The following NAV1 variants were observed in gnomAD, a reference collection of about 807,000 sequenced individuals.
NAV1 encodes neuron navigator 1.
In NAV1, 18 loss-of-function variants were observed where a neutral mutation model predicts 175.2. The ratio of observed to expected loss-of-function variants is 0.10; its 90% CI spans 0.07 to 0.15. The LOEUF (loss-of-function observed/expected upper bound fraction) is 0.15, where lower values mean the gene tolerates loss of function less well. Among genes scored for constraint, NAV1 ranks in the 10% least tolerant of loss-of-function variants. The probability of loss-of-function intolerance (pLI) is 1.00; values close to 1 mark genes in which losing one functional copy is unlikely to be tolerated. For synonymous variants in NAV1, 897 were observed against 978.7 expected, an observed-to-expected ratio of 0.92 and a Z score of 1.56; for missense variants, 1,731 against 2,436.6, an observed-to-expected ratio of 0.71 and a Z score of 6.10.
intron 3 of NAV1, among the ~76,000 whole-genome samples, chr1:201,721,151 G>A (rs999033123): frequency 1.3e-5 from 2 of 151,886 alleles, no homozygotes; most frequent in African/African-American, 2.4e-5. Flanking sequence ...GCCTTGGGAA[G>A]CCTGGAGTTT....
intron 1 of NAV1, among the ~76,000 whole-genome samples, chr1:201,553,621 A>G (rs1325229437): frequency 1.3e-5 from 2 of 152,250 alleles, no homozygotes; most frequent in East Asian, 1.9e-4. Flanking sequence ...GGATCCAGAT[A>G]TGGAACATTT....
chr1:201,633,238 GTAA>G (rs1178669409), intron 2 of NAV1, among the ~76,000 whole-genome samples: 2 of 152,162 alleles, frequency 1.3e-5, no homozygotes, highest in Non-Finnish European at 2.9e-5. Context: ...GAACTAAATG[GTAA>G]TAATGACTAT....
At position 201,808,487 on chromosome 1, in the gene NAV1, G is replaced by C; in HGVS notation, c.3915G>C (p.Lys1305Asn). 1 of 1,614,268 alleles carries C rather than the reference G, an allele frequency of 6.2e-7. No individual in the cohort carries two copies. The highest frequency in any genetic ancestry group is 1.1e-5 in the South Asian group (1 of 91,088). Reference sequence around the variant, plus strand: ...ATGAGGAGGAGGAGCCAGAGAAGAAGGAGGTATCGGAGCTGCGCTCTGAGC... The same window carrying C: ...ATGAGGAGGAGGAGCCAGAGAAGAACGAGGTATCGGAGCTGCGCTCTGAGC... Residue 1305 changes from lysine to asparagine, a missense_variant, in exon 19 of 30, where the codon AAG (lysine) becomes AAC (asparagine). Transcript: ENST00000367296. This position sits in a 1 kb window ranked among gnomAD's most constrained non-coding sequence, Gnocchi z 5.5.
At chr1:201,728,450 C>T (rs777731285) in intron 3 of NAV1, among the ~76,000 whole-genome samples, 1 of 151,920 alleles carries the variant, frequency 6.6e-6, no homozygotes, top group Non-Finnish European at 1.5e-5. Flanking sequence ...AAAAATTAGC[C>T]TGGTGTCGTG....
intron 1 of NAV1, among the ~76,000 whole-genome samples, chr1:201,584,177 A>C (rs570446175): frequency 7.2e-5 from 11 of 152,256 alleles, no homozygotes; most frequent in Non-Finnish European, 1.5e-4. Context: ...ATGTGAAAGA[A>C]GTGGTCCAAG....
intron 3 of NAV1, among the ~76,000 whole-genome samples, chr1:201,743,547 T>C (rs1385437262): frequency 1.3e-5 from 2 of 152,152 alleles, no homozygotes; most frequent in African/African-American, 4.8e-5. Flanking sequence ...AATGAGAAAA[T>C]GTGAAGAGCA....
chr1:201,552,046 G>A (rs1665869972), intron 1 of NAV1, among the ~76,000 whole-genome samples: 2 of 152,210 alleles, frequency 1.3e-5, no homozygotes, highest in African/African-American at 4.8e-5. Flanking sequence ...CCGTAGGGAG[G>A]CCTAGAAAGT....
rs551320398 is a variant in NAV1, at chr1:201,594,166, G to A, written c.-33+5517G>A. ...GGAAGGGGACCCGAGCGGGTTGCCC[G>A]GGAGTGGTACTTCTTTGCCCATTGG... On this transcript the variant is annotated intron_variant, in intron 2 of 33. Coordinates refer to the NAV1 transcript ENST00000685211. Among the ~76,000 whole-genome samples the A allele has an allele frequency of 1.1e-3, 160 of 151,906 alleles. 1 individual carries two copies. Among genetic ancestry groups the A allele is most frequent in the Admixed American group, 3.1e-3 (47 of 15,258 alleles).
intron 1 of NAV1, among the ~76,000 whole-genome samples, chr1:201,691,090 G>T (rs1199080404): frequency 2.0e-5 from 3 of 152,308 alleles, no homozygotes; most frequent in South Asian, 4.1e-4. Context: ...AATGGAGTGG[G>T]TCTTAATGGC....
chr1:201,608,476 G>A (rs1026032257), intron 2 of NAV1, among the ~76,000 whole-genome samples: 10 of 152,184 alleles, frequency 6.6e-5, no homozygotes, highest in African/African-American at 1.2e-4. Context: ...AGGCGACCCC[G>A]TTCAGAGATG....
At chr1:201,802,471 A>AG (rs1167025409) in intron 15 of NAV1, among the ~76,000 whole-genome samples, 32 of 130,954 alleles carry the variant, frequency 2.4e-4, no homozygotes, top group African/African-American at 7.7e-4. Flanking sequence ...AAAAAAAAAA[A>AG]AAAAAGAAAG....
At chr1:201,648,583 G>A (rs146874869) in exon 1 of NAV1, 1 of 739,670 alleles carries the variant, frequency 1.4e-6, no homozygotes, top group Non-Finnish European at 1.8e-6. Context: ...CTCCTCCCCC[G>A]CCTCCTCCTC....
chr1:201,712,677 T>C, intron 1 of NAV1, 140 bp from the exon 6 acceptor site: 1 of 667,640 alleles, frequency 1.5e-6, no homozygotes, highest in Non-Finnish European at 2.8e-6. Flanking sequence ...TGGTTGTCTT[T>C]GGGAAAGGGA....
At chr1:201,738,148 C>T (rs138160465) in intron 3 of NAV1, among the ~76,000 whole-genome samples, 117 of 152,006 alleles carry the variant, frequency 7.7e-4, no homozygotes, top group African/African-American at 2.8e-3. Context: ...TGCTTGGGAG[C>T]TGGTGCATCT....
chr1:201,804,011 A>G (rs1678113164), intron 16 of NAV1: 1 of 513,214 alleles, frequency 1.9e-6, no homozygotes, highest in African/African-American at 1.9e-5. Flanking sequence ...TATACTCAGA[A>G]GGAAACATCT....
At chr1:201,677,074 A>G (rs1376029720) in intron 1 of NAV1, among the ~76,000 whole-genome samples, 2 of 151,998 alleles carry the variant, frequency 1.3e-5, no homozygotes, top group Non-Finnish European at 2.9e-5. Context: ...CAACATGGTG[A>G]AACCCTGTCT....
intron 2 of NAV1, among the ~76,000 whole-genome samples, chr1:201,638,950 A>G (rs1414451152): frequency 1.3e-5 from 2 of 152,210 alleles, no homozygotes; most frequent in South Asian, 2.1e-4. Flanking sequence ...TCCGTGGGAT[A>G]TAAGTAGGCA....
At chr1:201,552,952 C>T (rs779084070) in intron 1 of NAV1, among the ~76,000 whole-genome samples, 1 of 152,188 alleles carries the variant, frequency 6.6e-6, no homozygotes, top group East Asian at 1.9e-4. Context: ...ATATATGGTC[C>T]CTCAGGCCCC....
chr1:201,791,089 T>C (rs764011957), intron 13 of NAV1: 1 of 309,038 alleles, frequency 3.2e-6, no homozygotes, highest in Non-Finnish European at 6.1e-6. Flanking sequence ...AACCTTGCCA[T>C]TGGCCATGGA....
Sources: gnomAD v4.1 joint callset for allele counts (sites outside exome capture counted in the v4.1 genomes callset) on GRCh38, gnomAD v4.1.1 for gene constraint, Gnocchi (gnomAD v3.1) non-coding constraint, MANE v1.5 for transcripts, NCBI Gene and HGNC (gene_info 2026-07-23, HGNC 2026-07-21) for gene names.